Variants in HIVEP3 observed in about 807,000 individuals in gnomAD.
HIVEP3 encodes the protein HIVEP zinc finger 3, also known as transcription factor HIVEP3.
HIVEP3 carries 49 observed loss-of-function variants against 152.8 expected under a neutral mutation model. That is an observed-to-expected ratio of 0.32 (90% CI 0.26 to 0.41). The LOEUF (loss-of-function observed/expected upper bound fraction) is 0.41, where lower values mean the gene tolerates loss of function less well. Ranked by LOEUF, HIVEP3 falls within the 10% of genes least tolerant of loss-of-function variation. HIVEP3 has a pLI of 1.00. For missense variants in HIVEP3, 2,790 were observed against 3,103.3 expected (o/e 0.90, Z 2.40); for synonymous variants, 1,269 against 1,289.0 (o/e 0.98, Z 0.33).
At chr1:41,565,617 A>G (rs1644150667) in intron 5 of HIVEP3, among the ~76,000 whole-genome samples, 1 of 152,092 alleles carries the variant, frequency 6.6e-6, no homozygotes, top group Non-Finnish European at 1.5e-5. Flanking sequence ...TGCTTTACCC[A>G]CAGGAGAGAG....
chr1:41,979,929 A>G (rs1300667916), intron 1 of HIVEP3, among the ~76,000 whole-genome samples: 2 of 152,232 alleles, frequency 1.3e-5, no homozygotes, highest in African/African-American at 4.8e-5. Context: ...TTCTATTGCC[A>G]TTTTAGACTT....
chr1:41,943,066 ATTTTTTATT>A (rs1195939848), intron 1 of HIVEP3, among the ~76,000 whole-genome samples: 9 of 151,774 alleles, frequency 5.9e-5, no homozygotes, highest in South Asian at 2.1e-4. Context: ...CGCCCAGCTA[ATTTTTTATT>A]TTTTTTATTT....
At chr1:41,968,530 A>G (rs1355190863) in intron 1 of HIVEP3, among the ~76,000 whole-genome samples, 1 of 152,206 alleles carries the variant, frequency 6.6e-6, no homozygotes, top group African/African-American at 2.4e-5. Context: ...AAAAATTCTC[A>G]ATAAACTAGG....
chr1:41,977,012 T>C (rs903612870), intron 1 of HIVEP3, among the ~76,000 whole-genome samples: 13 of 152,150 alleles, frequency 8.5e-5, no homozygotes, highest in African/African-American at 3.1e-4. Context: ...GGGAGACTAA[T>C]ACAACAGCAG....
intron 3 of HIVEP3, among the ~76,000 whole-genome samples, chr1:41,614,498 A>G (rs1644940323): frequency 6.6e-6 from 1 of 152,240 alleles, no homozygotes; most frequent in Admixed American, 6.5e-5. Flanking sequence ...AGGAAGTCCC[A>G]ACAGGCTGAG....
chr1:41,532,536 T>C (rs1643292462), intron 5 of HIVEP3, among the ~76,000 whole-genome samples: 1 of 152,062 alleles, frequency 6.6e-6, no homozygotes. Context: ...TCCCTGGCCA[T>C]GGGAATGGCC....
At chr1:41,568,550 G>A (rs914817268) in intron 5 of HIVEP3, among the ~76,000 whole-genome samples, 12 of 152,228 alleles carry the variant, frequency 7.9e-5, no homozygotes, top group Non-Finnish European at 1.2e-4. Flanking sequence ...GGCTGAGAAC[G>A]GACCACAGTG....
intron 1 of HIVEP3, among the ~76,000 whole-genome samples, chr1:41,745,353 A>C (rs1647056010): frequency 6.6e-6 from 1 of 152,246 alleles, no homozygotes; most frequent in African/African-American, 2.4e-5. Context: ...AGCAGTCCCC[A>C]TAAGCCAAAA....
chr1:41,673,090 G>A (rs922324654), intron 2 of HIVEP3, among the ~76,000 whole-genome samples: 6 of 152,182 alleles, frequency 3.9e-5, no homozygotes, highest in African/African-American at 1.4e-4. Flanking sequence ...CCAGGCTGGC[G>A]GTCCCCCTGC....
intron 3 of HIVEP3, 23 bp from the exon 4 acceptor site, chr1:41,585,341 C>T: frequency 2.5e-6 from 1 of 398,942 alleles, no homozygotes; most frequent in Non-Finnish European, 4.4e-6. Context: ...TGTACACACA[C>T]ACAGAAATAC....
rs145893438 is a variant in HIVEP3, at chr1:41,581,549, G to A, written c.3249C>T (p.Ser1083=). The change falls in exon 4 of 9, where the codon AGC becomes AGT. Residue 1083 remains serine (S), a synonymous_variant. Coordinates refer to ENST00000372583, the MANE Select transcript of HIVEP3 (RefSeq NM_024503.5). This position sits in a 1 kb window ranked among gnomAD's most constrained non-coding sequence, Gnocchi z 4.5. ...CCGCAGAGGAAATCTGGGACAATGA[G>A]CTTTTGGCAGAGGGTTTACTGGATG... is the stretch of plus-strand genomic sequence containing the variant. ...QPSSSKPSAK[S]SLSQISSAAT... is the part of the protein sequence containing the mutation. 3.9e-5 allele frequency: 62 copies of A among 1,603,812 alleles called. No individual in the cohort carries two copies. In the African/African-American group the frequency reaches 8.0e-4, roughly 21 times the overall value.
rs1242018848 is a variant in HIVEP3, at chr1:41,700,894, G to T, written c.-721+22C>A. On this transcript the variant is annotated intron_variant, in intron 2 of 8. Coordinates refer to ENST00000372583, the MANE Select transcript of HIVEP3 (RefSeq NM_024503.5). The stretch of plus-strand genomic sequence containing the variant: ...CTGTGCTGAAACTGCCCTGTGTCCT[G>T]TGGGGGATGGGGAGGGCTCACCTGC... 9 of 966,906 alleles carry T rather than the reference G, an allele frequency of 9.3e-6. No individual in the cohort carries two copies. In the East Asian group the frequency reaches 5.7e-4, roughly 62 times the overall value. The allele number at this position is 966,906 out of a possible 1,614,324, so 59.9% of individuals were successfully genotyped here.
chr1:42,011,142 A>G (rs1327599040), intron 1 of HIVEP3, among the ~76,000 whole-genome samples: 1 of 152,192 alleles, frequency 6.6e-6, no homozygotes, highest in Non-Finnish European at 1.5e-5. Flanking sequence ...CCACCATTTC[A>G]GAAGATTCCA....
intron 1 of HIVEP3, among the ~76,000 whole-genome samples, chr1:41,889,562 C>T (rs1397806888): frequency 6.6e-6 from 1 of 152,200 alleles, no homozygotes; most frequent in Non-Finnish European, 1.5e-5. Flanking sequence ...CATCAAAGGA[C>T]AGCATGGGGG....
intron 1 of HIVEP3, among the ~76,000 whole-genome samples, chr1:41,776,780 C>G (rs531157172): frequency 1.3e-5 from 2 of 152,346 alleles, no homozygotes; most frequent in South Asian, 4.1e-4. Context: ...GGCACTCTCT[C>G]TGCCATCTTT....
chr1:41,559,329 T>C (rs186171872), intron 5 of HIVEP3, among the ~76,000 whole-genome samples: 2 of 152,284 alleles, frequency 1.3e-5, no homozygotes, highest in African/African-American at 4.8e-5. Context: ...ATCACAAACA[T>C]ACAGGAACAT....
intron 1 of HIVEP3, among the ~76,000 whole-genome samples, chr1:41,966,987 A>T (rs972102932): frequency 6.6e-6 from 1 of 152,192 alleles, no homozygotes; most frequent in Non-Finnish European, 1.5e-5. Context: ...GTTCAATTCT[A>T]TAAAAAGAGA....
intron 2 of HIVEP3, among the ~76,000 whole-genome samples, chr1:41,671,708 G>A (rs138880426): frequency 6.6e-6 from 1 of 152,178 alleles, no homozygotes; most frequent in African/African-American, 2.4e-5. Flanking sequence ...AGCTCCCAGC[G>A]CAGACCCCGA....
intron 1 of HIVEP3, among the ~76,000 whole-genome samples, chr1:41,970,683 C>T (rs188808288): frequency 2.6e-4 from 40 of 152,188 alleles, no homozygotes; most frequent in Non-Finnish European, 4.7e-4. Flanking sequence ...CACAGTACCC[C>T]GCAATTTAAA....
Sources: gnomAD v4.1 joint callset for allele counts (sites outside exome capture counted in the v4.1 genomes callset) on GRCh38, gnomAD v4.1.1 for gene constraint, Gnocchi (gnomAD v3.1) non-coding constraint, MANE v1.5 for transcripts, NCBI Gene and HGNC (gene_info 2026-07-23, HGNC 2026-07-21) for gene names.